PRKG1: variants seen among roughly 807,000 people sequenced by gnomAD.
The protein encoded by PRKG1 is cGMP-dependent protein kinase 1.
In PRKG1, 35 loss-of-function variants were observed where a neutral mutation model predicts 88.1. The observed-to-expected ratio is 0.40, with a 90% CI of 0.30 to 0.53. The LOEUF (loss-of-function observed/expected upper bound fraction) is 0.53, where lower values mean the gene tolerates loss of function less well. Among genes scored for constraint, PRKG1 ranks in the 20% least tolerant of loss-of-function variants. The pLI, the probability that PRKG1 is intolerant of heterozygous loss-of-function variation, is 0.59. For missense variants in PRKG1, 540 were observed against 839.8 expected (o/e 0.64, Z 4.41); for synonymous variants, 303 against 292.5 (o/e 1.04, Z -0.37).
In PRKG1 at chr10:52,294,064, G is replaced by A; in HGVS notation, c.*164G>A. The stretch of plus-strand genomic sequence containing the variant: ...CAGTGGCATTAGGACTTACCGCTTA[G>A]ATGACAATAGTGCTCTTTACATGTT... On this transcript the variant is annotated 3_prime_UTR_variant, in exon 18 of 18. Transcript: ENST00000373980. 1.8e-6 allele frequency: 1 copy of A among 548,276 alleles called. No individual in the cohort carries two copies. Among genetic ancestry groups the A allele is most frequent in the Non-Finnish European group, 3.2e-6 (1 of 310,370 alleles). 34.0% of individuals were successfully genotyped at this position (548,276 alleles called of 1,614,324 possible). A position where few individuals can be genotyped will look rare whatever the true frequency, so the allele number is the denominator to read the frequency against.
At chr10:51,678,587 A>G (rs1054718819) in intron 3 of PRKG1, among the ~76,000 whole-genome samples, 1 of 152,172 alleles carries the variant, frequency 6.6e-6, no homozygotes, top group Admixed American at 6.5e-5. Context: ...TCTTTGCTCT[A>G]TATGATAAAG....
At chr10:51,482,809 G>T (rs1224634211) in intron 3 of PRKG1, among the ~76,000 whole-genome samples, 2 of 151,938 alleles carry the variant, frequency 1.3e-5, no homozygotes, top group Non-Finnish European at 2.9e-5. Flanking sequence ...CATGAAATAG[G>T]GATAATAAGG....
chr10:51,177,406 C>CT (rs997465384), intron 2 of PRKG1, among the ~76,000 whole-genome samples: 1 of 152,124 alleles, frequency 6.6e-6, no homozygotes, highest in Non-Finnish European at 1.5e-5. Flanking sequence ...AATTTAATTA[C>CT]TTTTTTTCTG....
intron 1 of PRKG1, among the ~76,000 whole-genome samples, chr10:51,076,485 T>C (rs1843955712): frequency 6.6e-6 from 1 of 152,260 alleles, no homozygotes; most frequent in Non-Finnish European, 1.5e-5. Flanking sequence ...GACAGCTCTC[T>C]GCATCTTTAA....
chr10:51,909,887 AT>A (rs1482783611), intron 5 of PRKG1: 4 of 152,268 alleles, frequency 2.6e-5, no homozygotes, highest in African/African-American at 9.6e-5. Context: ...AACAGAAGAT[AT>A]TACTGAAGCA....
chr10:51,536,897 G>A (rs1362974543), intron 3 of PRKG1, among the ~76,000 whole-genome samples: 5 of 147,718 alleles, frequency 3.4e-5, no homozygotes, highest in African/African-American at 1.0e-4. Flanking sequence ...GAGAACATGC[G>A]GTGTTTGGTT....
chr10:51,068,454 T>C (rs1162034764), intron 1 of PRKG1: 1 of 152,056 alleles, frequency 6.6e-6, no homozygotes, highest in Non-Finnish European at 1.5e-5. Context: ...TCTATTTCAT[T>C]GTCCTTCTTA....
chr10:51,693,307 G>A (rs993454315), intron 3 of PRKG1, among the ~76,000 whole-genome samples: 4 of 134,666 alleles, frequency 3.0e-5, no homozygotes, highest in Admixed American at 7.2e-5. Context: ...AAAAAAAAAA[G>A]CTGTTATTTG....
intron 9 of PRKG1, among the ~76,000 whole-genome samples, chr10:52,215,950 A>T (rs1251457744): frequency 6.6e-6 from 1 of 152,198 alleles, no homozygotes; most frequent in African/African-American, 2.4e-5. Context: ...TCCAGTGGCC[A>T]TCTGGAGAAT....
chr10:51,033,839 T>C (rs1843318698), intron 1 of PRKG1, among the ~76,000 whole-genome samples: 1 of 133,174 alleles, frequency 7.5e-6, no homozygotes, highest in South Asian at 2.2e-4. Context: ...CAGCATTCCA[T>C]TGCATTATAT....
At chr10:51,743,259 T>G (rs1837481635) in intron 3 of PRKG1, among the ~76,000 whole-genome samples, 1 of 152,080 alleles carries the variant, frequency 6.6e-6, no homozygotes, top group Non-Finnish European at 1.5e-5. Flanking sequence ...CACAGACAGA[T>G]GTGCACAGAG....
intron 3 of PRKG1, among the ~76,000 whole-genome samples, chr10:51,735,923 AAGTTGTC>A (rs1837264102): frequency 8.1e-6 from 1 of 123,186 alleles, no homozygotes; most frequent in African/African-American, 3.1e-5. Flanking sequence ...CTCCAACTTT[AAGTTGTC>A]TTTTTTTTTT....
At chr10:51,104,697 A>ATTTTTTTT in intron 1 of PRKG1, among the ~76,000 whole-genome samples, 1 of 106,618 alleles carries the variant, frequency 9.4e-6, no homozygotes, top group East Asian at 2.9e-4. Context: ...TTTTATTTTT[A>ATTTTTTTT]TTTTATTTAT....
intron 2 of PRKG1, among the ~76,000 whole-genome samples, chr10:51,301,800 T>C (rs1840894897): frequency 1.3e-5 from 2 of 152,350 alleles, no homozygotes; most frequent in South Asian, 2.1e-4. Context: ...CACTGGACAT[T>C]GCAGGTTTGG....
chr10:51,987,062 G>T (rs985767632), intron 5 of PRKG1, among the ~76,000 whole-genome samples: 1 of 151,956 alleles, frequency 6.6e-6, no homozygotes, highest in Non-Finnish European at 1.5e-5. Flanking sequence ...AACTAGTTAT[G>T]TATTATATCT....
chr10:51,980,082 T>C (rs1158994056), intron 5 of PRKG1, among the ~76,000 whole-genome samples: 1 of 152,060 alleles, frequency 6.6e-6, no homozygotes, highest in Non-Finnish European at 1.5e-5. Context: ...AAGTTGTTAA[T>C]TTGAGATCTT....
At chr10:52,171,474 A>C (rs117593103) in intron 9 of PRKG1, among the ~76,000 whole-genome samples, 2 of 152,154 alleles carry the variant, frequency 1.3e-5, no homozygotes, top group African/African-American at 4.8e-5. Flanking sequence ...ATTTTATTGC[A>C]GGGCAAAATA....
At chr10:51,811,212 A>C (rs1839447900) in intron 4 of PRKG1, among the ~76,000 whole-genome samples, 1 of 152,196 alleles carries the variant, frequency 6.6e-6, no homozygotes, top group Admixed American at 6.5e-5. Context: ...AGGGTAGTTT[A>C]GTAATATTTT....
intron 2 of PRKG1, among the ~76,000 whole-genome samples, chr10:51,315,585 G>C (rs574158763): frequency 6.6e-6 from 1 of 152,092 alleles, no homozygotes; most frequent in African/African-American, 2.4e-5. Context: ...CTGACTATCC[G>C]GTTTAATCCT....
Sources: allele counts gnomAD v4.1 joint callset (sites outside exome capture counted in the v4.1 genomes callset), GRCh38; gene constraint gnomAD v4.1.1; transcripts MANE v1.5; gene names NCBI Gene and HGNC (gene_info 2026-07-23, HGNC 2026-07-21).